The following SMCHD1 variants were observed in gnomAD, a reference collection of about 807,000 sequenced individuals.
SMCHD1 encodes structural maintenance of chromosomes flexible hinge domain-containing protein 1.
Under a neutral mutation model 254.7 loss-of-function variants are expected in SMCHD1, and 78 were observed. That is an observed-to-expected ratio of 0.31 (90% CI 0.26 to 0.37). The LOEUF (loss-of-function observed/expected upper bound fraction) is 0.37. Ranked by LOEUF, SMCHD1 falls within the 10% of genes least tolerant of loss-of-function variation. The pLI, the probability that SMCHD1 is intolerant of heterozygous loss-of-function variation, is 1.00. For synonymous variants in SMCHD1, 766 were observed against 794.9 expected (o/e 0.96, Z 0.61); for missense variants, 1,840 against 2,408.1 (o/e 0.76, Z 4.94).
chr18:2,659,950 T>C (rs1189313416), intron 1 of SMCHD1, among the ~76,000 whole-genome samples: 3 of 152,102 alleles, frequency 2.0e-5, no homozygotes, highest in African/African-American at 7.2e-5. Flanking sequence ...AGTGAAAAAA[T>C]AATTTTAAAA....
chr18:2,700,918 G>C lies in SMCHD1; in HGVS notation c.1647G>C (p.Gln549His), dbSNP rs1307279234. 6.4e-7 allele frequency: 1 copy of C among 1,560,474 alleles called. No individual in the cohort carries two copies. The highest frequency in any genetic ancestry group is 2.3e-5 in the East Asian group (1 of 44,346). The change falls in exon 12 of 48, where the codon CAG becomes CAC. Residue 549 changes from glutamine (Q) to histidine (H), a missense_variant and splice_region_variant. This residue lies in a region of SMCHD1 where 498 missense variants were observed against 743.5 expected (regional missense o/e 0.67). Coordinates refer to ENST00000320876, the MANE Select transcript of SMCHD1 (RefSeq NM_015295.3). ...TTTTTACAAGGATTTTAAATGGACAGGTATGATTTTTAAATATAAAGTTGT... is the reference window on the plus strand; with the variant it reads ...TTTTTACAAGGATTTTAAATGGACACGTATGATTTTTAAATATAAAGTTGT... ...NTLFTRILNG[Q>H]EQRMKIDREF...
At position 2,712,521 on chromosome 18, in the gene SMCHD1, C is replaced by G. The variant is rs529357351; in HGVS notation, c.2260+4601C>G. On this transcript the variant is annotated intron_variant, in intron 17 of 47. Coordinates refer to ENST00000320876, the MANE Select transcript of SMCHD1 (RefSeq NM_015295.3). ...AATACGTTTTTGCGGGATTTGAAAC[C>G]CACATAAACAGAGGCCAACTTTTCA... 1.2e-4 allele frequency among the ~76,000 whole-genome samples: 18 copies of G among 152,210 alleles called. No individual in the cohort carries two copies. The South Asian group carries it at 3.3e-3, about 28-fold the overall frequency.
At chr18:2,688,888 C>G (rs1046630160) in intron 7 of SMCHD1, 141 bp downstream of exon 7, 4 of 461,232 alleles carry the variant, frequency 8.7e-6, no homozygotes, top group Non-Finnish European at 1.5e-5. Flanking sequence ...TTTCTCAAGC[C>G]AAAAATCTTC....
Position 2,784,588 on chromosome 18 carries a change from C to T in SMCHD1, c.5686C>T (p.Pro1896Ser). The T allele has an allele frequency of 6.2e-7, 1 of 1,605,870 alleles. No individual in the cohort carries two copies. Among genetic ancestry groups the T allele is most frequent in the Admixed American group, 1.7e-5 (1 of 58,164 alleles). ...GGGAATGGTATTTGGAGCTCCAGTT[C>T]CAAAACAGTGTCTGATCTTAGGGGA... ...LRGMVFGAPV[P>S]KQCLILGEQI... Residue 1896 changes from proline (P) to serine (S), a missense_variant, in exon 45 of 48, where the codon CCA becomes TCA. Around this residue, in one of 9 missense-constraint regions of SMCHD1, gnomAD observed 132 missense variants for 138.2 expected, o/e 0.95. Transcript: ENST00000320876.
At chr18:2,677,184 G>T (rs976789155) in intron 5 of SMCHD1, among the ~76,000 whole-genome samples, 2 of 150,796 alleles carry the variant, frequency 1.3e-5, no homozygotes, top group African/African-American at 4.9e-5. Flanking sequence ...AATTCTACAG[G>T]GAATACCCAT....
At chr18:2,681,148 C>T (rs2073913457) in intron 5 of SMCHD1, among the ~76,000 whole-genome samples, 1 of 151,908 alleles carries the variant, frequency 6.6e-6, no homozygotes, top group African/African-American at 2.4e-5. Context: ...CATGGTGGCT[C>T]ACGCGTGTAA....
chr18:2,711,799 C>T (rs1267532774), intron 17 of SMCHD1, among the ~76,000 whole-genome samples: 1 of 152,160 alleles, frequency 6.6e-6, no homozygotes, highest in East Asian at 1.9e-4. Context: ...TTGTCTTGAT[C>T]CCCGGTGTTG....
intron 1 of SMCHD1, among the ~76,000 whole-genome samples, chr18:2,660,634 C>T (rs1404683565): frequency 3.3e-5 from 5 of 151,922 alleles, no homozygotes; most frequent in Non-Finnish European, 4.4e-5. Flanking sequence ...CCGTCATGCC[C>T]GGCTAATTTT....
At chr18:2,759,823 G>T (rs2075755943) in intron 34 of SMCHD1, among the ~76,000 whole-genome samples, 1 of 152,028 alleles carries the variant, frequency 6.6e-6, no homozygotes, top group Non-Finnish European at 1.5e-5. Context: ...GCCTGCCTCA[G>T]CCTCCCAAAT....
At position 2,694,490 on chromosome 18, in the gene SMCHD1, A is replaced by G. The variant is rs1354959266; in HGVS notation, c.874-37A>G. 3 of 1,425,184 alleles carry G rather than the reference A, an allele frequency of 2.1e-6. No homozygotes were observed. The East Asian group carries it at 7.5e-5, about 36-fold the overall frequency. 88.3% of individuals were successfully genotyped at this position (1,425,184 alleles called of 1,614,324 possible). ...AGCTATTTGTATAATTATAATTTAG[A>G]TGATTTAATCTGTTGTATTTCTGTT... On this transcript the variant is annotated intron_variant, in intron 7 of 47. Coordinates refer to ENST00000320876, the MANE Select transcript of SMCHD1 (RefSeq NM_015295.3).
At chr18:2,734,617 A>G (rs528342163) in intron 25 of SMCHD1, among the ~76,000 whole-genome samples, 1 of 147,788 alleles carries the variant, frequency 6.8e-6, no homozygotes, top group African/African-American at 2.5e-5. Flanking sequence ...AAAGCCTTTT[A>G]TCTTTTTTGT....
intron 1 of SMCHD1, among the ~76,000 whole-genome samples, chr18:2,663,746 G>A (rs528668027): frequency 1.0e-4 from 15 of 149,362 alleles, no homozygotes; most frequent in Non-Finnish European, 1.9e-4. Context: ...ACGGAGTCTC[G>A]CTCTGTCGCC....
At chr18:2,791,585 G>C (rs958957201) in intron 45 of SMCHD1, among the ~76,000 whole-genome samples, 5 of 152,154 alleles carry the variant, frequency 3.3e-5, no homozygotes, top group African/African-American at 4.8e-5. Flanking sequence ...TGAAAGAATA[G>C]TTTTCAAGAC....
chr18:2,662,667 C>CAAAAA (rs745838636), intron 1 of SMCHD1, among the ~76,000 whole-genome samples: 2 of 35,678 alleles, frequency 5.6e-5, no homozygotes, highest in African/African-American at 2.5e-4. Context: ...AACAAAAAAC[C>CAAAAA]AAAAAAAAAA....
intron 5 of SMCHD1, among the ~76,000 whole-genome samples, chr18:2,678,067 C>T (rs1489106520): frequency 6.6e-6 from 1 of 152,176 alleles, no homozygotes; most frequent in Non-Finnish European, 1.5e-5. Context: ...CTCCCACTTT[C>T]GTGTACTATC....
chr18:2,666,160 C>T lies in SMCHD1; in HGVS notation c.190C>T (p.Leu64Phe), dbSNP rs969088652. ...TTTTATTTCTTATTTTGGATAGACACTTGGCATTTCACCTGAAGAAAAATT... is the reference window on the plus strand; with the variant it reads ...TTTTATTTCTTATTTTGGATAGACATTTGGCATTTCACCTGAAGAAAAATT... The part of the protein sequence containing the change: ...AGFRACVCQT[L>F]GISPEEKFVI... The change falls in exon 2 of 48, where the codon CTT (leucine) becomes TTT (phenylalanine). Residue 64 changes from leucine (L) to phenylalanine (F), a missense_variant. Coordinates refer to ENST00000320876, the MANE Select transcript of SMCHD1 (RefSeq NM_015295.3). 9 of 1,471,792 alleles carry T rather than the reference C, an allele frequency of 6.1e-6. No individual in the cohort carries two copies. The highest frequency in any genetic ancestry group is 8.5e-6 in the Non-Finnish European group (9 of 1,058,384). The allele number at this position is 1,471,792 out of a possible 1,614,324, so 91.2% of individuals were successfully genotyped here.
At chr18:2,712,034 T>C (rs1219119215) in intron 17 of SMCHD1, among the ~76,000 whole-genome samples, 2 of 152,194 alleles carry the variant, frequency 1.3e-5, no homozygotes, top group Admixed American at 1.3e-4. Flanking sequence ...ATGCCCAGTC[T>C]TCCAGCCAGC....
At chr18:2,698,340 G>C (rs2074328055) in intron 10 of SMCHD1, among the ~76,000 whole-genome samples, 1 of 151,928 alleles carries the variant, frequency 6.6e-6, no homozygotes, top group African/African-American at 2.4e-5. Flanking sequence ...CTTTATCCTT[G>C]TTGCAGTTTT....
Position 2,682,318 on chromosome 18 carries a change from T to C in SMCHD1, c.639-6076T>C, listed in dbSNP as rs1339183908. 5.2e-3 allele frequency among the ~76,000 whole-genome samples: 783 copies of C among 149,192 alleles called. 7 individuals carry two copies. Among genetic ancestry groups the C allele is most frequent in the African/African-American group, 0.016 (644 of 41,180 alleles). On this transcript the variant is annotated intron_variant, in intron 5 of 47. Coordinates refer to ENST00000320876, the MANE Select transcript of SMCHD1 (RefSeq NM_015295.3). ...CTTTTTCTTTTCTTTCTTCTTCTTT[T>C]TTTTTTTTTTTCCTTTTTCTTTTTT...
Sources: allele counts gnomAD v4.1 joint callset (sites outside exome capture counted in the v4.1 genomes callset), GRCh38; gene constraint gnomAD v4.1.1; regional missense constraint gnomAD v4.1.1; transcripts MANE v1.5; gene names NCBI Gene and HGNC (gene_info 2026-07-23, HGNC 2026-07-21).